SLC47A2: variants seen among roughly 807,000 people sequenced by gnomAD.
SLC47A2 encodes multidrug and toxin extrusion protein 2.
Under a neutral mutation model 67.7 loss-of-function variants are expected in SLC47A2, and 52 were observed. The observed-to-expected ratio is 0.77, with a 90% CI of 0.61 to 0.97. The LOEUF (loss-of-function observed/expected upper bound fraction) is 0.97. SLC47A2 is among the 50% of genes least tolerant of loss of function. The pLI is 0.00. For synonymous variants in SLC47A2, 278 were observed against 292.9 expected, an observed-to-expected ratio of 0.95 and a Z score of 0.52; for missense variants, 676 against 712.3, an observed-to-expected ratio of 0.95 and a Z score of 0.58.
Position 19,681,354 on chromosome 17 carries a change from CTGACCCACT to C in SLC47A2, c.1392+4_1392+12del, listed in dbSNP as rs1567613940. 4 of 1,588,154 alleles carry C rather than the reference CTGACCCACT, an allele frequency of 2.5e-6. No individual in the cohort carries two copies. In the East Asian group the frequency reaches 6.8e-5, roughly 27 times the overall value. Reference sequence around the variant, plus strand: ...CAGGGTGTCTTGTGGCCAGGGTCAGCTGACCCACTTACCTCCTCTGCAGCAAGCTTCCAG... The same window carrying C: ...CAGGGTGTCTTGTGGCCAGGGTCAGCTACCTCCTCTGCAGCAAGCTTCCAG... On this transcript the variant is annotated splice_donor_5th_base_variant and intron_variant, in intron 15 of 16. Coordinates refer to ENST00000433844, the MANE Select transcript of SLC47A2 (RefSeq NM_001099646.3).
At position 19,706,719 on chromosome 17, in the gene SLC47A2, GAGA is replaced by G. The variant is rs533190862; in HGVS notation, c.767_769del (p.Phe256del). ...CATGAGCATGCTGGGGACAGCCAGG[GAGA>G]AGAAGGGGCCCCAGTCCTGCAGGCA... On this transcript the variant is annotated inframe_deletion, in exon 9 of 17. Coordinates refer to ENST00000433844, the MANE Select transcript of SLC47A2 (RefSeq NM_001099646.3). The G allele has an allele frequency of 3.8e-5, 61 of 1,611,348 alleles. No individual in the cohort carries two copies. The Admixed American group carries it at 8.1e-4, about 21-fold the overall frequency.
At chr17:19,684,861 C>T (rs1452622067) in intron 13 of SLC47A2, among the ~76,000 whole-genome samples, 1 of 152,148 alleles carries the variant, frequency 6.6e-6, no homozygotes, top group Non-Finnish European at 1.5e-5. Context: ...CTCCATCTCC[C>T]TCTTTCTACG....
At chr17:19,704,215 C>T in intron 10 of SLC47A2, 37 bp from the exon 11 acceptor site, 1 of 1,549,306 alleles carries the variant, frequency 6.5e-7, no homozygotes, top group Non-Finnish European at 8.8e-7. Flanking sequence ...TCAGTGGGCC[C>T]ACCCTCCAAC....
At position 19,715,028 on chromosome 17, in the gene SLC47A2, C is replaced by T. The variant is rs962408612; in HGVS notation, c.225+88G>A. The T allele has an allele frequency of 2.4e-5, 35 of 1,437,162 alleles. 1 individual carries two copies. The Admixed American group carries it at 3.4e-4, about 14-fold the overall frequency. 89.0% of individuals were successfully genotyped at this position (1,437,162 alleles called of 1,614,324 possible). On this transcript the variant is annotated intron_variant, in intron 2 of 16. Coordinates refer to ENST00000433844, the MANE Select transcript of SLC47A2 (RefSeq NM_001099646.3). ...GTGGGCTGTGTCTTCCCATCCCTGACCAGCCACCCAAGACGGGCCCACCCG... is the reference window on the plus strand; with the variant it reads ...GTGGGCTGTGTCTTCCCATCCCTGATCAGCCACCCAAGACGGGCCCACCCG...
At chr17:19,692,390 T>C (rs1035737543) in intron 13 of SLC47A2, 1 of 375,698 alleles carries the variant, frequency 2.7e-6, no homozygotes, top group African/African-American at 2.2e-5. Flanking sequence ...AGAAGAAAAT[T>C]AAAGGAAATA....
intron 13 of SLC47A2, among the ~76,000 whole-genome samples, chr17:19,701,324 G>A (rs1310614779): frequency 5.3e-5 from 8 of 152,114 alleles, no homozygotes; most frequent in South Asian, 4.1e-4. Flanking sequence ...CATGTGGCCC[G>A]AGCTTGTCGC....
At chr17:19,713,650 C>T (rs534424135) in intron 4 of SLC47A2, among the ~76,000 whole-genome samples, 175 bp downstream of exon 4, 4 of 152,370 alleles carry the variant, frequency 2.6e-5, no homozygotes, top group African/African-American at 9.6e-5. Context: ...GCTGGAGCCG[C>T]AGCCATGGGG....
At chr17:19,715,697 G>GTC (rs2086236568) in intron 1 of SLC47A2, 1 of 99,472 alleles carries the variant, frequency 1.0e-5, no homozygotes, top group Non-Finnish European at 1.9e-5. Context: ...TTTTGGTTTT[G>GTC]TTTTTTTTGT....
At position 19,706,612 on chromosome 17, in the gene SLC47A2, C is replaced by T; in HGVS notation, c.841+36G>A. 3 of 1,523,500 alleles carry T rather than the reference C, an allele frequency of 2.0e-6. 1 individual carries two copies. Among genetic ancestry groups the T allele is most frequent in the South Asian group, 2.5e-5 (2 of 80,560 alleles). The allele number at this position is 1,523,500 out of a possible 1,614,324, so 94.4% of individuals were successfully genotyped here. On this transcript the variant is annotated intron_variant, in intron 9 of 16. Coordinates refer to ENST00000433844, the MANE Select transcript of SLC47A2 (RefSeq NM_001099646.3). The stretch of plus-strand genomic sequence containing the variant: ...GGGCTTCTGGGCTGGGTGAGCCGCC[C>T]ACACGCCATTGCGCCCCCCATCCTC...
upstream of SLC47A2, chr17:19,717,139 GGGGCCT>G (rs1009833185): frequency 3.1e-4 from 48 of 153,610 alleles, no homozygotes; most frequent in Admixed American, 2.7e-3. Context: ...TCATGCTGGA[GGGGCCT>G]GGGCCTGGGC....
At chr17:19,714,001 C>CA (rs763486179) in intron 3 of SLC47A2, 28 bp from the exon 4 acceptor site, 25 of 1,603,648 alleles carry the variant, frequency 1.6e-5, no homozygotes, top group Non-Finnish European at 2.0e-5. Flanking sequence ...CCGCGTCAGC[C>CA]GTTTCCACTG....
Position 19,685,897 on chromosome 17 carries a change from T to G in SLC47A2, c.1165-4227A>C, listed in dbSNP as rs2085419261. 6.6e-6 allele frequency among the ~76,000 whole-genome samples: 1 copy of G among 152,216 alleles called. No individual in the cohort carries two copies. The highest frequency in any genetic ancestry group is 2.4e-5 in the African/African-American group (1 of 41,458). ...GTTAAGAAACAGCAGGGGATGAAGT[T>G]AAAGTTTTTCTTAATTTTCTCTGCT... On this transcript the variant is annotated intron_variant, in intron 13 of 16. Transcript: ENST00000433844. The surrounding 1 kb of genome is among the most constrained non-coding windows in gnomAD (Gnocchi z 4.5).
chr17:19,708,422 C>T, intron 6 of SLC47A2, 23 bp from the exon 7 acceptor site: 1 of 1,614,174 alleles, frequency 6.2e-7, no homozygotes. Flanking sequence ...AAAACTGGCC[C>T]TGCTAAGGTG....
intron 5 of SLC47A2, 73 bp downstream of exon 5, chr17:19,712,630 A>C: frequency 6.7e-7 from 1 of 1,495,872 alleles, no homozygotes; most frequent in Non-Finnish European, 9.2e-7. Context: ...CTTCCGCAGC[A>C]GATAGAGTGG....
rs1378142506 is a variant in SLC47A2 at position 19,705,424 on chromosome 17, C to T, written c.909+12G>A. 5 of 1,607,856 alleles carry T rather than the reference C, an allele frequency of 3.1e-6. No homozygotes were observed. Among genetic ancestry groups the T allele is most frequent in the Non-Finnish European group, 3.4e-6 (4 of 1,177,450 alleles). On this transcript the variant is annotated intron_variant, in intron 10 of 16. Coordinates refer to ENST00000433844, the MANE Select transcript of SLC47A2 (RefSeq NM_001099646.3). ...GGGGGATGTGGGGAAGGCACCCCTG[C>T]AGGAGCCTTACCATGTAGGTCACAG...
chr17:19,705,320 C>A, intron 10 of SLC47A2, 116 bp downstream of exon 10: 1 of 1,165,478 alleles, frequency 8.6e-7, no homozygotes, highest in Admixed American at 2.2e-5. Context: ...ACGAGAGGCC[C>A]GGGGAGGGTC....
intron 3 of SLC47A2, 23 bp from the exon 4 acceptor site, chr17:19,713,996 T>TCA: frequency 6.2e-7 from 1 of 1,605,354 alleles, no homozygotes. Context: ...CCGCCCCGCG[T>TCA]CAGCCGTTTC....
At chr17:19,700,117 G>A (rs960589227) in intron 13 of SLC47A2, among the ~76,000 whole-genome samples, 6 of 152,170 alleles carry the variant, frequency 3.9e-5, no homozygotes. Context: ...TGGGAGCAGG[G>A]ATTAACTACA....
chr17:19,684,695 C>CAAAA (rs754988040), intron 13 of SLC47A2, among the ~76,000 whole-genome samples: 2 of 63,428 alleles, frequency 3.2e-5, no homozygotes, highest in Non-Finnish European at 6.9e-5. Flanking sequence ...ACTCTTTCTA[C>CAAAA]AAAAAAAAAA....
Sources: allele counts gnomAD v4.1 joint callset (sites outside exome capture counted in the v4.1 genomes callset), GRCh38; gene constraint gnomAD v4.1.1; non-coding constraint Gnocchi (gnomAD v3.1); transcripts MANE v1.5; gene names NCBI Gene and HGNC (gene_info 2026-07-23, HGNC 2026-07-21).